Variants in SYT9 observed in about 807,000 individuals in gnomAD.
The protein encoded by SYT9 is synaptotagmin 9.
SYT9 carries 22 observed loss-of-function variants against 48.4 expected under a neutral mutation model. That is an observed-to-expected ratio of 0.45 (90% CI 0.32 to 0.65). The LOEUF (loss-of-function observed/expected upper bound fraction) is 0.65, where lower values mean the gene tolerates loss of function less well. Among genes scored for constraint, SYT9 ranks in the 30% least tolerant of loss-of-function variants. The pLI is 0.03. For missense variants in SYT9, 577 were observed against 622.0 expected (o/e 0.93, Z 0.77); for synonymous variants, 265 against 245.0 (o/e 1.08, Z -0.76).
intron 6 of SYT9, among the ~76,000 whole-genome samples, chr11:7,431,474 A>G (rs559177674): frequency 6.6e-6 from 1 of 152,374 alleles, no homozygotes; most frequent in Non-Finnish European, 1.5e-5. Flanking sequence ...CAAGACAGAA[A>G]TTCAAGCAAG....
At chr11:7,380,395 C>A (rs1464808068) in intron 3 of SYT9, among the ~76,000 whole-genome samples, 1 of 152,070 alleles carries the variant, frequency 6.6e-6, no homozygotes, top group Non-Finnish European at 1.5e-5. Context: ...TAGTCAATAA[C>A]TTAATGTACA....
At position 7,348,524 on chromosome 11, in the gene SYT9, A is replaced by C. The variant is rs186725771; in HGVS notation, c.1044+34583A>C. 5.9e-3 allele frequency among the ~76,000 whole-genome samples: 902 copies of C among 152,084 alleles called. 4 individuals carry two copies. Among genetic ancestry groups the C allele is most frequent in the Middle Eastern group, 0.051 (15 of 294 alleles). Reference sequence around the variant, plus strand: ...CGTTTAATGGAGGAAGGTCCCAGTGACTCACAGATACTGAACATTCTGTAA... The same window carrying C: ...CGTTTAATGGAGGAAGGTCCCAGTGCCTCACAGATACTGAACATTCTGTAA... On this transcript the variant is annotated intron_variant, in intron 3 of 6. Coordinates refer to ENST00000318881, the MANE Select transcript of SYT9 (RefSeq NM_175733.4).
intron 3 of SYT9, among the ~76,000 whole-genome samples, chr11:7,395,525 T>C (rs1846735560): frequency 6.6e-6 from 1 of 152,128 alleles, no homozygotes; most frequent in African/African-American, 2.4e-5. Context: ...TGAATCCCAA[T>C]GTGGGATACA....
chr11:7,248,436 A>G (rs939815999), upstream of SYT9, among the ~76,000 whole-genome samples: 1 of 152,090 alleles, frequency 6.6e-6, no homozygotes, highest in Non-Finnish European at 1.5e-5. Flanking sequence ...TTACAATGTT[A>G]TCTTCCAGAA....
rs927037967 is a variant in SYT9, at chr11:7,442,706, A to G, written c.1467+22071A>G. Among the ~76,000 whole-genome samples, 7 of 152,272 alleles carry G rather than the reference A, an allele frequency of 4.6e-5. No homozygotes were observed. In the East Asian group the frequency reaches 1.2e-3, roughly 25 times the overall value. ...CATGGGTAATGGGTTCCTTGACCCA[A>G]TGACAAGCATCTGTCTCTCAAAGAG... On this transcript the variant is annotated intron_variant, in intron 6 of 6. Coordinates refer to ENST00000318881, the MANE Select transcript of SYT9 (RefSeq NM_175733.4).
intron 1 of SYT9, among the ~76,000 whole-genome samples, chr11:7,287,278 ACT>A (rs1353700576): frequency 6.6e-6 from 1 of 152,124 alleles, no homozygotes; most frequent in South Asian, 2.1e-4. Context: ...TTGAGAACTC[ACT>A]CTCTATCACA....
At chr11:7,398,356 T>TTAC (rs1403733668) in intron 3 of SYT9, among the ~76,000 whole-genome samples, 1 of 152,124 alleles carries the variant, frequency 6.6e-6, no homozygotes, top group Admixed American at 6.5e-5. Flanking sequence ...TGCTAAAATG[T>TTAC]TACTAAGGTT....
chr11:7,436,704 A>C (rs1213756170), intron 6 of SYT9, among the ~76,000 whole-genome samples: 1 of 152,232 alleles, frequency 6.6e-6, no homozygotes. Context: ...AAAACAGATA[A>C]ATGCAAGAGC....
intron 3 of SYT9, among the ~76,000 whole-genome samples, chr11:7,318,313 C>T (rs1849277305): frequency 6.8e-6 from 1 of 147,030 alleles, no homozygotes; most frequent in South Asian, 2.1e-4. Context: ...TTGTAGAACT[C>T]ATTAATGCCT....
chr11:7,246,416 G>C (rs1284255411), intron 1 of SYT9, among the ~76,000 whole-genome samples: 1 of 152,156 alleles, frequency 6.6e-6, no homozygotes, highest in African/African-American at 2.4e-5. Context: ...CATGCTTTCT[G>C]AATCATAGAA....
chr11:7,346,090 G>A (rs564268983), intron 3 of SYT9, among the ~76,000 whole-genome samples: 1 of 152,298 alleles, frequency 6.6e-6, no homozygotes, highest in East Asian at 1.9e-4. Context: ...GTCATTGGTG[G>A]CTTTAGTAAG....
At chr11:7,402,609 T>G (rs191909080) in intron 3 of SYT9, among the ~76,000 whole-genome samples, 1 of 152,304 alleles carries the variant, frequency 6.6e-6, no homozygotes, top group East Asian at 1.9e-4. Flanking sequence ...GAAATGTTCC[T>G]TAGTCTGGAA....
At chr11:7,405,328 C>T (rs752626225) in intron 3 of SYT9, among the ~76,000 whole-genome samples, 2 of 152,086 alleles carry the variant, frequency 1.3e-5, no homozygotes, top group Non-Finnish European at 2.9e-5. Flanking sequence ...ACAGTTGTGA[C>T]GAGCAAAAAT....
rs754383902 is a variant in SYT9, at chr11:7,313,461, A to C, written c.564A>C (p.Lys188Asn). 55 of 1,613,970 alleles carry C rather than the reference A, an allele frequency of 3.4e-5. No individual in the cohort carries two copies. The highest frequency in any genetic ancestry group is 4.2e-5 in the Non-Finnish European group (50 of 1,179,996). ...ACTTCAATATCCAGCAGCTTCAAAA[A>C]CAGGAACAGTTGACTGGAATTGGTA... ...NPDFNIQQLQ[K>N]QEQLTGIGRI... Residue 188 changes from lysine to asparagine, a missense_variant, in exon 3 of 7, where the codon AAA (lysine) becomes AAC (asparagine). Lys to Asn is a moderately conservative substitution (Grantham distance 94). Coordinates refer to ENST00000318881, the MANE Select transcript of SYT9 (RefSeq NM_175733.4).
intron 3 of SYT9, among the ~76,000 whole-genome samples, chr11:7,406,019 T>C (rs942811042): frequency 1.3e-5 from 2 of 152,188 alleles, no homozygotes; most frequent in African/African-American, 4.8e-5. Flanking sequence ...TCTGTTCTTA[T>C]AGAGCTTACA....
At chr11:7,320,933 G>A (rs1009502016) in intron 3 of SYT9, among the ~76,000 whole-genome samples, 3 of 152,076 alleles carry the variant, frequency 2.0e-5, no homozygotes, top group African/African-American at 7.2e-5. Context: ...CAGTGTTCTG[G>A]GTTAATGTTG....
intron 3 of SYT9, among the ~76,000 whole-genome samples, chr11:7,358,692 T>A (rs943623468): frequency 6.6e-6 from 1 of 152,236 alleles, no homozygotes; most frequent in Non-Finnish European, 1.5e-5. Context: ...AAGATAATAT[T>A]GTTTTACATT....
intron 3 of SYT9, among the ~76,000 whole-genome samples, chr11:7,351,711 CA>C (rs1417387695): frequency 1.3e-5 from 2 of 152,166 alleles, no homozygotes; most frequent in Non-Finnish European, 2.9e-5. Context: ...GCTTCTCTAG[CA>C]AGCAAAATAT....
chr11:7,408,802 C>G (rs970987166), intron 3 of SYT9, among the ~76,000 whole-genome samples: 1 of 151,954 alleles, frequency 6.6e-6, no homozygotes, highest in Non-Finnish European at 1.5e-5. Context: ...ATTTGGATGC[C>G]TTTTATTTTA....
Sources: gnomAD v4.1 joint callset for allele counts (sites outside exome capture counted in the v4.1 genomes callset) on GRCh38, gnomAD v4.1.1 for gene constraint, MANE v1.5 for transcripts, NCBI Gene and HGNC (gene_info 2026-07-23, HGNC 2026-07-21) for gene names.